FAM89A: variants seen among roughly 807,000 people sequenced by gnomAD.
FAM89A encodes protein FAM89A.
Under a neutral mutation model 7.1 loss-of-function variants are expected in FAM89A, and 10 were observed. That is an observed-to-expected ratio of 1.40 (90% CI 0.86 to 2.38). The LOEUF (loss-of-function observed/expected upper bound fraction) is 2.38, where lower values mean the gene tolerates loss of function less well. Ranked by LOEUF, FAM89A falls within the 30% of genes most tolerant of loss-of-function variation. The pLI is 0.00. For missense variants in FAM89A, 276 were observed against 262.8 expected (o/e 1.05, Z -0.35); for synonymous variants, 157 against 129.3 (o/e 1.21, Z -1.45).
chr1:231,039,874 C>A, intron 1 of FAM89A, 47 bp downstream of exon 1: 2 of 1,275,068 alleles, frequency 1.6e-6, no homozygotes, highest in South Asian at 2.5e-5. Flanking sequence ...TTTCCCGGGA[C>A]GGCGAGCCCG....
intron 1 of FAM89A, chr1:231,021,527 G>A (rs1679877619): frequency 2.6e-6 from 2 of 762,704 alleles, no homozygotes; most frequent in South Asian, 3.3e-5. Context: ...GGGCACGAAA[G>A]GTTGAGAACA....
At chr1:231,021,887 G>A in intron 1 of FAM89A, 1 of 1,575,958 alleles carries the variant, frequency 6.3e-7, no homozygotes, top group Non-Finnish European at 8.7e-7. Context: ...CAGCTGCATG[G>A]TGAGCAGTGA....
chr1:231,036,723 T>C lies in FAM89A; in HGVS notation c.291+3198A>G, dbSNP rs573609614. On this transcript the variant is annotated intron_variant, in intron 1 of 1. Transcript: ENST00000366654. ...GCCTCTCCTCCCATTGAGATGGTATTACTCCCTCAGCTCCAACCATCTCTT... is the reference window on the plus strand; with the variant it reads ...GCCTCTCCTCCCATTGAGATGGTATCACTCCCTCAGCTCCAACCATCTCTT... Among the ~76,000 whole-genome samples, 37 of 152,262 alleles carry C rather than the reference T, an allele frequency of 2.4e-4. No individual in the cohort carries two copies. The South Asian group carries it at 7.5e-3, about 31-fold the overall frequency.
intron 1 of FAM89A, among the ~76,000 whole-genome samples, chr1:231,022,979 G>A (rs2103070699): frequency 6.6e-6 from 1 of 152,230 alleles, no homozygotes; most frequent in Middle Eastern, 3.4e-3. Context: ...AAGATAAATA[G>A]GACAGGCACA....
At chr1:231,021,403 C>A (rs1283344768) in intron 1 of FAM89A, among the ~76,000 whole-genome samples, 2 of 136,856 alleles carry the variant, frequency 1.5e-5, no homozygotes, top group African/African-American at 5.0e-5. Flanking sequence ...GAAGGAGCTT[C>A]TTCTCTGGAG....
chr1:231,035,849 T>G (rs146635378), intron 1 of FAM89A, among the ~76,000 whole-genome samples: 31 of 152,334 alleles, frequency 2.0e-4, no homozygotes, highest in African/African-American at 7.0e-4. Context: ...TGTCCTTTCT[T>G]TAGAGAATCC....
At chr1:231,023,203 T>C (rs1679910091) in intron 1 of FAM89A, among the ~76,000 whole-genome samples, 1 of 152,242 alleles carries the variant, frequency 6.6e-6, no homozygotes, top group Admixed American at 6.5e-5. Context: ...CTTGGCTTTC[T>C]CATCCTTCCC....
At chr1:231,024,364 A>G (rs760059880) in intron 1 of FAM89A, among the ~76,000 whole-genome samples, 55 of 152,206 alleles carry the variant, frequency 3.6e-4, no homozygotes, top group Non-Finnish European at 7.4e-4. Context: ...GAGGCCTGGT[A>G]AAAAGTGATC....
At chr1:231,023,337 G>T (rs4658912) in intron 1 of FAM89A, among the ~76,000 whole-genome samples, 55,791 of 152,048 alleles carry the variant, frequency 0.37, 10,537 homozygotes, top group Admixed American at 0.44. Context: ...TCCACAGGTA[G>T]GTGGGAGCCT....
At chr1:231,020,361 C>T (rs183793922) in intron 1 of FAM89A, among the ~76,000 whole-genome samples, 1 of 152,230 alleles carries the variant, frequency 6.6e-6, no homozygotes, top group African/African-American at 2.4e-5. Context: ...GTGGGGCAAC[C>T]AGGGCAGCCT....
At chr1:231,033,317 G>C (rs1680105004) in intron 1 of FAM89A, among the ~76,000 whole-genome samples, 1 of 152,216 alleles carries the variant, frequency 6.6e-6, no homozygotes, top group Non-Finnish European at 1.5e-5. Context: ...GGTCTGTCTG[G>C]TTTCCTCCAC....
intron 1 of FAM89A, among the ~76,000 whole-genome samples, chr1:231,038,556 C>T (rs1047139152): frequency 6.6e-6 from 1 of 151,980 alleles, no homozygotes; most frequent in Non-Finnish European, 1.5e-5. Flanking sequence ...TGCAGTTCAC[C>T]AGCTGTGTGA....
chr1:231,034,930 G>C (rs1455940419), intron 1 of FAM89A, among the ~76,000 whole-genome samples: 9 of 152,188 alleles, frequency 5.9e-5, no homozygotes, highest in Non-Finnish European at 1.2e-4. Context: ...GACTATGCTA[G>C]TGGAAAGACT....
chr1:231,029,225 C>T (rs758246090), intron 1 of FAM89A, among the ~76,000 whole-genome samples: 31 of 152,210 alleles, frequency 2.0e-4, no homozygotes, highest in Admixed American at 4.6e-4. Context: ...TACAGGCTCA[C>T]GCCTGTAATC....
Position 231,019,746 on chromosome 1 carries a change from CCCCTGTG to C in FAM89A, c.*110_*116del. The C allele has an allele frequency of 8.7e-7, 1 of 1,143,346 alleles. No individual in the cohort carries two copies. Among genetic ancestry groups the C allele is most frequent in the Non-Finnish European group, 1.2e-6 (1 of 811,764 alleles). The allele number at this position is 1,143,346 out of a possible 1,614,324, so 70.8% of individuals were successfully genotyped here. A position where few individuals can be genotyped will look rare whatever the true frequency, so the allele number is the denominator to read the frequency against. ...TACAAATGAAACTGGTAGCGCTCAT[CCCCTGTG>C]CCCGAGGACCGTCCACAACGGAGGT... is the stretch of plus-strand genomic sequence containing the variant. On this transcript the variant is annotated 3_prime_UTR_variant, in exon 2 of 2. Transcript: ENST00000366654.
At position 231,021,655 on chromosome 1, in the gene FAM89A, A is replaced by G. The variant is rs1679880664; in HGVS notation, c.292-1529T>C. 5 of 1,557,768 alleles carry G rather than the reference A, an allele frequency of 3.2e-6. No homozygotes were observed. In the Admixed American group the frequency reaches 6.7e-5, roughly 21 times the overall value. ...GAGGTGGAGCAATAAATTCTAGACA[A>G]GCCCAGAAGCGAACACGGGAAGCAA... is the stretch of plus-strand genomic sequence containing the variant. On this transcript the variant is annotated intron_variant, in intron 1 of 1. Transcript: ENST00000366654.
intron 1 of FAM89A, among the ~76,000 whole-genome samples, chr1:231,034,771 T>TA (rs1558257188): frequency 0.011 from 963 of 87,836 alleles, 31 homozygotes; most frequent in African/African-American, 0.036. Context: ...AAACTCTGTC[T>TA]CAAAAAAAAA....
At chr1:231,035,438 G>C (rs1680144319) in intron 1 of FAM89A, among the ~76,000 whole-genome samples, 1 of 152,148 alleles carries the variant, frequency 6.6e-6, no homozygotes, top group Non-Finnish European at 1.5e-5. Flanking sequence ...GCTGACTGTG[G>C]GAGCAGCTGA....
chr1:231,033,778 A>G (rs886626933), intron 1 of FAM89A, among the ~76,000 whole-genome samples: 3 of 152,232 alleles, frequency 2.0e-5, no homozygotes, highest in African/African-American at 7.2e-5. Context: ...GTAATAGAGC[A>G]AAGTTTAAAG....
Sources: gnomAD v4.1 joint callset for allele counts (sites outside exome capture counted in the v4.1 genomes callset) on GRCh38, gnomAD v4.1.1 for gene constraint, MANE v1.5 for transcripts, NCBI Gene and HGNC (gene_info 2026-07-23, HGNC 2026-07-21) for gene names.